The following NBEAL1 variants were observed in gnomAD, a reference collection of about 807,000 sequenced individuals.
NBEAL1 encodes neurobeachin like 1, also known as neurobeachin-like protein 1.
NBEAL1 carries 273 observed loss-of-function variants against 351.3 expected under a neutral mutation model. That is an observed-to-expected ratio of 0.78 (90% CI 0.70 to 0.86). NBEAL1 has a LOEUF of 0.86. Among genes scored for constraint, NBEAL1 ranks in the 40% least tolerant of loss-of-function variants. The pLI, the probability that NBEAL1 is intolerant of heterozygous loss-of-function variation, is 0.00. For synonymous variants in NBEAL1, 1,050 were observed against 1,086.4 expected (o/e 0.97, Z 0.66); for missense variants, 2,961 against 3,201.3 (o/e 0.92, Z 1.81).
chr2:203,021,856 T>C (rs1349323351), intron 2 of NBEAL1, among the ~76,000 whole-genome samples: 1 of 151,768 alleles, frequency 6.6e-6, no homozygotes, highest in Non-Finnish European at 1.5e-5. Context: ...GAGACCAGCG[T>C]GGCCAAAATG....
intron 10 of NBEAL1, among the ~76,000 whole-genome samples, chr2:203,089,896 C>G (rs573851302): frequency 7.2e-5 from 11 of 152,242 alleles, no homozygotes; most frequent in Non-Finnish European, 1.6e-4. Flanking sequence ...TGATTCTTTT[C>G]ATTTTCTGTT....
intron 18 of NBEAL1, among the ~76,000 whole-genome samples, chr2:203,118,339 A>G: frequency 6.6e-6 from 1 of 152,218 alleles, no homozygotes; most frequent in East Asian, 1.9e-4. Flanking sequence ...AGCCTTTTAG[A>G]AATGAATCCT....
At chr2:203,128,054 A>G in intron 24 of NBEAL1, 117 bp downstream of exon 24, 1 of 753,988 alleles carries the variant, frequency 1.3e-6, no homozygotes, top group Non-Finnish European at 2.2e-6. Flanking sequence ...GTGTAGTGTC[A>G]CATTCAATAT....
chr2:203,065,263 A>G (rs893216977), intron 6 of NBEAL1, among the ~76,000 whole-genome samples: 1 of 152,118 alleles, frequency 6.6e-6, no homozygotes, highest in Non-Finnish European at 1.5e-5. Context: ...TGTCTCTAAA[A>G]GAAAAAAAAA....
rs1574945352 is a variant in NBEAL1 at position 203,083,321 on chromosome 2, A to G, written c.787A>G (p.Arg263Gly). The G allele has an allele frequency of 4.5e-6, 7 of 1,553,632 alleles. 1 individual carries two copies. The East Asian group carries it at 1.7e-4, about 37-fold the overall frequency. Residue 263 changes from arginine (R) to glycine (G), a missense_variant, in exon 9 of 56, where the codon AGG (arginine) becomes GGG (glycine). By Grantham distance (125) the Arg-to-Gly change is moderately radical (BLOSUM62 -2). Coordinates refer to ENST00000683969, the MANE Select transcript of NBEAL1 (RefSeq NM_001378026.1). The stretch of plus-strand genomic sequence containing the variant: ...GGATGGAGATCCTGAAGAAGTGGGT[A>G]GGAAGGCAGAACTAACTCTGAAGTG... ...WEDGDPEEVGRKAELTLKCLT... is the reference protein window; with the variant it reads ...WEDGDPEEVGGKAELTLKCLT...
intron 1 of NBEAL1, 123 bp downstream of exon 1, chr2:203,015,105 C>G (rs1323154628): frequency 6.6e-6 from 1 of 152,608 alleles, no homozygotes; most frequent in South Asian, 2.1e-4. Context: ...GTGGGCTAGG[C>G]TGTCAGGGAG....
intron 24 of NBEAL1, among the ~76,000 whole-genome samples, chr2:203,128,447 T>C (rs2062997376): frequency 1.3e-5 from 2 of 151,988 alleles, no homozygotes; most frequent in African/African-American, 2.4e-5. Flanking sequence ...TTTCATAAAA[T>C]AGATGACAGT....
chr2:203,077,415 G>C (rs1190848691), intron 7 of NBEAL1, among the ~76,000 whole-genome samples: 1 of 152,010 alleles, frequency 6.6e-6, no homozygotes, highest in East Asian at 1.9e-4. Context: ...TGCCAGGTTT[G>C]GGTTAGTTTC....
chr2:203,145,940 C>T (rs1227023779), intron 33 of NBEAL1, among the ~76,000 whole-genome samples: 1 of 149,130 alleles, frequency 6.7e-6, no homozygotes, highest in Non-Finnish European at 1.5e-5. Context: ...ATCAATGAAA[C>T]CAAGGTCGAA....
chr2:203,058,007 C>T (rs1354269519), intron 6 of NBEAL1, among the ~76,000 whole-genome samples: 2 of 151,762 alleles, frequency 1.3e-5, no homozygotes, highest in East Asian at 3.9e-4. Context: ...CTGCGCCCGG[C>T]TAATTTTTAT....
At chr2:203,162,403 T>C (rs1356824091) in intron 36 of NBEAL1, among the ~76,000 whole-genome samples, 1 of 152,128 alleles carries the variant, frequency 6.6e-6, no homozygotes, top group Non-Finnish European at 1.5e-5. Flanking sequence ...ATTATTTGTT[T>C]ACATTATAAA....
chr2:203,080,242 T>C (rs906372866), intron 8 of NBEAL1, among the ~76,000 whole-genome samples: 2 of 151,502 alleles, frequency 1.3e-5, no homozygotes, highest in East Asian at 1.9e-4. Context: ...ACCCTGTCTG[T>C]ACTAAAAATA....
rs1380858838 is a variant in NBEAL1 at position 203,116,071 on chromosome 2, G to T, written c.2592+1G>T. The T allele has an allele frequency of 2.6e-6, 4 of 1,549,138 alleles. No individual in the cohort carries two copies. The African/African-American group carries it at 4.1e-5, about 16-fold the overall frequency. On this transcript the variant is annotated splice_donor_variant, in intron 18 of 55. Transcript: ENST00000683969. LOFTEE classifies it high-confidence loss of function. ...CATCCTTCTTTACTACACAGCAAAG[G>T]TCAGAGTAAATTTGTGAACTGTCCA... is the stretch of plus-strand genomic sequence containing the variant.
intron 42 of NBEAL1, among the ~76,000 whole-genome samples, chr2:203,175,588 C>CAA (rs1559039020): frequency 2.0e-5 from 3 of 152,122 alleles, no homozygotes; most frequent in African/African-American, 7.2e-5. Context: ...ACCGGAGAGT[C>CAA]AAACCAATCC....
intron 12 of NBEAL1, among the ~76,000 whole-genome samples, chr2:203,103,108 G>A (rs903414173): frequency 1.3e-5 from 2 of 152,126 alleles, no homozygotes; most frequent in Non-Finnish European, 2.9e-5. Flanking sequence ...GGTGTTCATA[G>A]TAGTCTTTGT....
chr2:203,105,106 C>A (rs1574974754), intron 12 of NBEAL1, among the ~76,000 whole-genome samples: 1 of 151,982 alleles, frequency 6.6e-6, no homozygotes, highest in Admixed American at 6.6e-5. Flanking sequence ...ATCTACCCCC[C>A]TCAGCCTCCC....
intron 29 of NBEAL1, among the ~76,000 whole-genome samples, 200 bp from the exon 30 acceptor site, chr2:203,137,962 C>A (rs551459178): frequency 1.3e-5 from 2 of 150,214 alleles, no homozygotes; most frequent in African/African-American, 2.5e-5. Context: ...CCGGCCTGGG[C>A]GACAAGAGCG....
chr2:203,148,766 T>TCCCCC (rs2063572849), intron 33 of NBEAL1, among the ~76,000 whole-genome samples: 1 of 148,796 alleles, frequency 6.7e-6, no homozygotes, highest in Non-Finnish European at 1.5e-5. Flanking sequence ...TGTTGGTTGG[T>TCCCCC]TTTTTTTTTA....
chr2:203,212,404 C>G (rs2065811853), intron 54 of NBEAL1, among the ~76,000 whole-genome samples: 1 of 151,478 alleles, frequency 6.6e-6, no homozygotes, highest in Non-Finnish European at 1.5e-5. Context: ...GTCAGGAGTT[C>G]AAGACCAGCC....
Sources: allele counts gnomAD v4.1 joint callset (sites outside exome capture counted in the v4.1 genomes callset), GRCh38; gene constraint gnomAD v4.1.1; transcripts MANE v1.5; gene names NCBI Gene and HGNC (gene_info 2026-07-23, HGNC 2026-07-21).